DISC1: variants seen among roughly 807,000 people sequenced by gnomAD.
The protein encoded by DISC1 is DISC1 scaffold protein, also known as disrupted in schizophrenia 1 protein.
Under a neutral mutation model 84.5 loss-of-function variants are expected in DISC1, and 57 were observed. That is an observed-to-expected ratio of 0.67 (90% CI 0.55 to 0.84). The LOEUF (loss-of-function observed/expected upper bound fraction) is 0.84. Among genes scored for constraint, DISC1 ranks in the 40% least tolerant of loss-of-function variants. The pLI is 0.00. For missense variants in DISC1, 1,000 were observed against 1,057.8 expected, an observed-to-expected ratio of 0.95 and a Z score of 0.76; for synonymous variants, 411 against 415.2, an observed-to-expected ratio of 0.99 and a Z score of 0.12.
chr1:231,988,032 C>G (rs1035837619), intron 10 of DISC1, among the ~76,000 whole-genome samples: 1 of 151,922 alleles, frequency 6.6e-6, no homozygotes, highest in Non-Finnish European at 1.5e-5. Context: ...CTAAAAATAC[C>G]AAAATTAGCC....
At chr1:231,727,613 A>T (rs1040578247) in intron 3 of DISC1, among the ~76,000 whole-genome samples, 4 of 152,188 alleles carry the variant, frequency 2.6e-5, no homozygotes, top group Non-Finnish European at 5.9e-5. Context: ...TCAAGAAGCA[A>T]TTAAACCCAT....
At chr1:231,659,681 G>T (rs1382414673) in intron 1 of DISC1, among the ~76,000 whole-genome samples, 1 of 152,086 alleles carries the variant, frequency 6.6e-6, no homozygotes. Flanking sequence ...TTGTCTCTTT[G>T]TTCTCATTAG....
At chr1:231,980,332 G>T (rs114739157) in intron 10 of DISC1, among the ~76,000 whole-genome samples, 1 of 152,162 alleles carries the variant, frequency 6.6e-6, no homozygotes, top group African/African-American at 2.4e-5. Flanking sequence ...CCTATCAGTC[G>T]TTCTATCAGA....
chr1:231,699,805 G>A (rs2066177880), intron 2 of DISC1, among the ~76,000 whole-genome samples: 1 of 152,164 alleles, frequency 6.6e-6, no homozygotes, highest in African/African-American at 2.4e-5. Flanking sequence ...TGGTCTTCAT[G>A]TCTCTTCTTG....
chr1:231,914,964 G>A (rs2089506164), intron 9 of DISC1, among the ~76,000 whole-genome samples: 1 of 152,176 alleles, frequency 6.6e-6, no homozygotes, highest in African/African-American at 2.4e-5. Context: ...AATGAAATAG[G>A]TGAGGCAACA....
chr1:231,762,162 T>A (rs2075732977), intron 4 of DISC1, among the ~76,000 whole-genome samples: 1 of 148,918 alleles, frequency 6.7e-6, no homozygotes. Context: ...TCTTTTTCTT[T>A]CTTTCTTTCC....
rs948476956 is a variant in DISC1, at chr1:231,876,701, G to C, written c.1981+58184G>C. 7.2e-5 allele frequency among the ~76,000 whole-genome samples: 11 copies of C among 152,298 alleles called. No homozygotes were observed. In the South Asian group the frequency reaches 2.1e-3, roughly 29 times the overall value. On this transcript the variant is annotated intron_variant, in intron 9 of 12. Coordinates refer to ENST00000439617, the MANE Select transcript of DISC1 (RefSeq NM_018662.3). Reference sequence around the variant, plus strand: ...AATCCTAGAATTCAGTGCTGCAAATGAGTTTCAAGAGGGTTTATGGTTTTC... The same window carrying C: ...AATCCTAGAATTCAGTGCTGCAAATCAGTTTCAAGAGGGTTTATGGTTTTC...
At chr1:231,827,872 A>C (rs2081968407) in intron 9 of DISC1, among the ~76,000 whole-genome samples, 1 of 152,224 alleles carries the variant, frequency 6.6e-6, no homozygotes, top group Non-Finnish European at 1.5e-5. Context: ...GAAACCATCA[A>C]GAATTGCTTA....
intron 10 of DISC1, among the ~76,000 whole-genome samples, chr1:231,972,446 A>G (rs571688480): frequency 6.6e-6 from 1 of 152,326 alleles, no homozygotes; most frequent in East Asian, 1.9e-4. Context: ...TGATTTCGGA[A>G]TGAATATGGC....
intron 9 of DISC1, among the ~76,000 whole-genome samples, chr1:231,940,558 G>A (rs2091263580): frequency 6.6e-6 from 1 of 152,018 alleles, no homozygotes. Context: ...AAAATGAAAG[G>A]CATAGAAAAT....
At chr1:231,969,964 G>A (rs1179800614) in intron 10 of DISC1, among the ~76,000 whole-genome samples, 1 of 152,178 alleles carries the variant, frequency 6.6e-6, no homozygotes, top group African/African-American at 2.4e-5. Context: ...ATTCCATAGT[G>A]TATATGTGCC....
chr1:231,869,482 GA>G (rs1362000319), intron 9 of DISC1, among the ~76,000 whole-genome samples: 3 of 152,022 alleles, frequency 2.0e-5, no homozygotes, highest in Admixed American at 2.0e-4. Flanking sequence ...AATTTATAAA[GA>G]AAAGAAGTTC....
At chr1:231,643,257 A>G (rs2059872468) in intron 1 of DISC1, among the ~76,000 whole-genome samples, 1 of 152,210 alleles carries the variant, frequency 6.6e-6, no homozygotes, top group African/African-American at 2.4e-5. Context: ...AGAAAAACCC[A>G]CAGGAAATCC....
intron 9 of DISC1, among the ~76,000 whole-genome samples, chr1:231,831,196 T>C (rs1455286323): frequency 6.6e-6 from 1 of 152,060 alleles, no homozygotes; most frequent in Non-Finnish European, 1.5e-5. Flanking sequence ...CCGGGCTTGA[T>C]GTGTAGGGAA....
At chr1:231,784,046 G>A (rs750901887) in intron 6 of DISC1, among the ~76,000 whole-genome samples, 20 of 152,188 alleles carry the variant, frequency 1.3e-4, no homozygotes, top group Non-Finnish European at 2.5e-4. Flanking sequence ...GGCAGATCAC[G>A]AGGTCAGGAG....
At chr1:231,686,576 C>T (rs367556582) in intron 1 of DISC1, among the ~76,000 whole-genome samples, 2 of 152,138 alleles carry the variant, frequency 1.3e-5, no homozygotes, top group Non-Finnish European at 2.9e-5. Flanking sequence ...CCCACAAAAC[C>T]TTTTTTTCCT....
chr1:231,911,505 C>A (rs925837687), intron 9 of DISC1, among the ~76,000 whole-genome samples: 24 of 152,104 alleles, frequency 1.6e-4, no homozygotes, highest in Non-Finnish European at 2.6e-4. Context: ...ATATTGGCCC[C>A]CACTCTTCTG....
At chr1:231,828,781 C>T (rs2082033168) in intron 9 of DISC1, among the ~76,000 whole-genome samples, 1 of 152,070 alleles carries the variant, frequency 6.6e-6, no homozygotes, top group Non-Finnish European at 1.5e-5. Context: ...TCTGTCTGTC[C>T]TTAACCTTAT....
chr1:231,759,526 C>CAAAAAAAAAAAAAAA (rs767431903), intron 4 of DISC1, among the ~76,000 whole-genome samples: 2 of 48,298 alleles, frequency 4.1e-5, no homozygotes, highest in Non-Finnish European at 3.4e-5. Context: ...CCCATCTCTA[C>CAAAAAAAAAAAAAAA]AAAAAAAAAA....
Sources: allele counts gnomAD v4.1 joint callset (sites outside exome capture counted in the v4.1 genomes callset), GRCh38; gene constraint gnomAD v4.1.1; transcripts MANE v1.5; gene names NCBI Gene and HGNC (gene_info 2026-07-23, HGNC 2026-07-21).